HLF: variants seen among roughly 807,000 people sequenced by gnomAD.
HLF encodes the protein hepatic leukemia factor.
Under a neutral mutation model 22.6 loss-of-function variants are expected in HLF, and 3 were observed. The observed-to-expected ratio is 0.13, with a 90% CI of 0.06 to 0.34. HLF has a LOEUF of 0.34. HLF is among the 10% of genes least tolerant of loss of function. HLF has a pLI of 1.00. For missense variants in HLF, 299 were observed against 389.2 expected (o/e 0.77, Z 1.95); for synonymous variants, 151 against 151.8 (o/e 0.99, Z 0.04).
intron 3 of HLF, among the ~76,000 whole-genome samples, chr17:55,318,317 C>T (rs1237885553): frequency 6.6e-6 from 1 of 152,196 alleles, no homozygotes; most frequent in Admixed American, 6.5e-5. Context: ...CCTTCTGTAT[C>T]CTCTTCTGGA....
Position 55,323,241 on chromosome 17 carries a change from A to G in HLF, c.*2362A>G. ...TTTGCAATCTTAAGCAGAGATAAATAAAAGATAGCAATATGAGACACAGGT... is the reference window on the plus strand; with the variant it reads ...TTTGCAATCTTAAGCAGAGATAAATGAAAGATAGCAATATGAGACACAGGT... On this transcript the variant is annotated 3_prime_UTR_variant, in exon 4 of 4. Coordinates refer to ENST00000226067, the MANE Select transcript of HLF (RefSeq NM_002126.5). 4.6e-6 allele frequency: 1 copy of G among 217,356 alleles called. No individual in the cohort carries two copies. Among genetic ancestry groups the G allele is most frequent in the Non-Finnish European group, 9.3e-6 (1 of 108,014 alleles). The allele number at this position is 217,356 out of a possible 1,614,324, so 13.5% of individuals were successfully genotyped here.
intron 2 of HLF, among the ~76,000 whole-genome samples, chr17:55,305,308 A>G (rs1056029375): frequency 2.6e-5 from 4 of 152,212 alleles, no homozygotes; most frequent in African/African-American, 9.6e-5. Flanking sequence ...ACAGCTCGCC[A>G]TTCAGGAGGA....
chr17:55,293,680 C>A (rs1339983810), intron 2 of HLF, among the ~76,000 whole-genome samples: 1 of 152,106 alleles, frequency 6.6e-6, no homozygotes, highest in Non-Finnish European at 1.5e-5. Flanking sequence ...CAAAATGGTG[C>A]TGGGGGCGAT....
intron 2 of HLF, among the ~76,000 whole-genome samples, chr17:55,290,348 CA>C (rs1407580234): frequency 6.6e-6 from 1 of 152,204 alleles, no homozygotes; most frequent in Non-Finnish European, 1.5e-5. Flanking sequence ...CTGCATTGCA[CA>C]AGCCTTTTGG....
intron 2 of HLF, among the ~76,000 whole-genome samples, chr17:55,312,265 T>C (rs565673023): frequency 6.6e-6 from 1 of 152,374 alleles, no homozygotes; most frequent in South Asian, 2.1e-4. Context: ...GGGGCTGAAC[T>C]AATTTATATT....
At chr17:55,318,248 G>A (rs547919337) in intron 3 of HLF, among the ~76,000 whole-genome samples, 19 of 152,254 alleles carry the variant, frequency 1.2e-4, no homozygotes, top group Non-Finnish European at 2.5e-4. Context: ...ACCCTTCTGC[G>A]ATAACAAAGG....
At chr17:55,278,581 C>G (rs1025295890) in intron 2 of HLF, among the ~76,000 whole-genome samples, 10 of 152,224 alleles carry the variant, frequency 6.6e-5, no homozygotes, top group South Asian at 6.2e-4. Flanking sequence ...CAGGCCCTGA[C>G]CAATGGGAAT....
At chr17:55,291,982 A>G (rs532751303) in intron 2 of HLF, among the ~76,000 whole-genome samples, 1 of 152,260 alleles carries the variant, frequency 6.6e-6, no homozygotes, top group Non-Finnish European at 1.5e-5. Context: ...TAGAACTTGA[A>G]GATGTGACTG....
intron 3 of HLF, among the ~76,000 whole-genome samples, chr17:55,316,176 T>C (rs1905057296): frequency 6.6e-6 from 1 of 152,250 alleles, no homozygotes; most frequent in African/African-American, 2.4e-5. Context: ...GAAAATTCTT[T>C]CCAAAATTAT....
intron 2 of HLF, chr17:55,273,778 T>G (rs200485212): frequency 2.1e-5 from 3 of 141,360 alleles, no homozygotes; most frequent in African/African-American, 7.9e-5. Context: ...TTTTCCCTCC[T>G]CCCCCTCGCT....
At chr17:55,273,492 A>G (rs984161999) in intron 2 of HLF, 1 of 152,022 alleles carries the variant, frequency 6.6e-6, no homozygotes, top group African/African-American at 2.4e-5. Flanking sequence ...TTTCTTTCCC[A>G]TCATGTCCAA....
intron 2 of HLF, among the ~76,000 whole-genome samples, chr17:55,309,005 C>T (rs1487344083): frequency 6.6e-6 from 1 of 152,208 alleles, no homozygotes; most frequent in African/African-American, 2.4e-5. Context: ...CATGCAAAGC[C>T]TCTTTAGGCC....
chr17:55,270,968 T>C (rs1003261390), intron 2 of HLF, among the ~76,000 whole-genome samples: 5 of 152,188 alleles, frequency 3.3e-5, no homozygotes, highest in African/African-American at 4.8e-5. Flanking sequence ...TCTTACGCTT[T>C]ATAGGATGCT....
chr17:55,279,189 T>G (rs1427879010), intron 2 of HLF, among the ~76,000 whole-genome samples: 1 of 152,196 alleles, frequency 6.6e-6, no homozygotes, highest in East Asian at 1.9e-4. Flanking sequence ...TTTTTAACAT[T>G]ATAAGTGAAA....
rs568052514 is a variant in HLF at position 55,291,474 on chromosome 17, C to G, written c.451+23388C>G. Among the ~76,000 whole-genome samples, 3 of 152,314 alleles carry G rather than the reference C, an allele frequency of 2.0e-5. No homozygotes were observed. The South Asian group carries it at 6.2e-4, about 32-fold the overall frequency. ...GCCTGGATAACAGCACATCTGTTTA[C>G]AGCATGGTTTGCTGAATATTTTGAG... On this transcript the variant is annotated intron_variant, in intron 2 of 3. Coordinates refer to ENST00000226067, the MANE Select transcript of HLF (RefSeq NM_002126.5).
intron 2 of HLF, among the ~76,000 whole-genome samples, chr17:55,290,885 G>A (rs1382398505): frequency 6.6e-6 from 1 of 152,206 alleles, no homozygotes; most frequent in Non-Finnish European, 1.5e-5. Context: ...ACACACAAAT[G>A]ATTAGAAAGT....
chr17:55,300,796 C>T (rs1255184048), intron 2 of HLF, among the ~76,000 whole-genome samples: 1 of 152,220 alleles, frequency 6.6e-6, no homozygotes, highest in Non-Finnish European at 1.5e-5. Context: ...CTGGTTGCCA[C>T]AACAATCTTT....
At chr17:55,288,268 C>T (rs2081024317) in intron 2 of HLF, among the ~76,000 whole-genome samples, 1 of 152,104 alleles carries the variant, frequency 6.6e-6, no homozygotes. Flanking sequence ...CTGCCTCAGC[C>T]TCCCGAGTAG....
chr17:55,297,822 T>C (rs1351070012), intron 2 of HLF, among the ~76,000 whole-genome samples: 1 of 135,180 alleles, frequency 7.4e-6, no homozygotes, highest in East Asian at 2.5e-4. Flanking sequence ...CGACCTCAGC[T>C]CACTGCAACC....
Sources: allele counts gnomAD v4.1 joint callset (sites outside exome capture counted in the v4.1 genomes callset), GRCh38; gene constraint gnomAD v4.1.1; transcripts MANE v1.5; gene names NCBI Gene and HGNC (gene_info 2026-07-23, HGNC 2026-07-21).